The following PGCKA1 variants were observed in gnomAD, a reference collection of about 807,000 sequenced individuals.
PGCKA1 encodes PDCD10 and GCKIII kinases associated 1, also known as PDCD10 and GCKIII kinases-associated protein 1.
At chr4:37,576,008 G>A in the PGCKA1 span, among the ~76,000 whole-genome samples, 2 of 152,062 alleles carry the variant, frequency 1.3e-5, no homozygotes, top group Non-Finnish European at 2.9e-5. Flanking sequence ...TCTCTGTAGT[G>A]TAATTTAAAG....
chr4:37,465,577 T>C, the PGCKA1 span, among the ~76,000 whole-genome samples: 5 of 152,098 alleles, frequency 3.3e-5, no homozygotes, highest in African/African-American at 1.2e-4. Context: ...AAGTAGACAG[T>C]AGCTTCATCC....
At chr4:37,552,355 T>C in the PGCKA1 span, among the ~76,000 whole-genome samples, 1 of 152,206 alleles carries the variant, frequency 6.6e-6, no homozygotes, top group Non-Finnish European at 1.5e-5. Context: ...AATTGTGCAC[T>C]TGGGGAGCTC....
At chr4:37,568,467 C>T in the PGCKA1 span, among the ~76,000 whole-genome samples, 15 of 152,338 alleles carry the variant, frequency 9.8e-5, no homozygotes, top group African/African-American at 3.4e-4. Flanking sequence ...CTGAGAGCCT[C>T]GTCCCTCTCA....
At chr4:37,552,544 A>G in the PGCKA1 span, among the ~76,000 whole-genome samples, 1 of 152,230 alleles carries the variant, frequency 6.6e-6, no homozygotes, top group South Asian at 2.1e-4. Flanking sequence ...ACTATGTGTA[A>G]TAAACATATA....
At chr4:37,518,603 G>A in the PGCKA1 span, among the ~76,000 whole-genome samples, 31,002 of 152,006 alleles carry the variant, frequency 0.2, 3,909 homozygotes, top group African/African-American at 0.35. Context: ...TCTTTTGCCC[G>A]TTTTTGATCA....
chr4:37,507,478 C>A, the PGCKA1 span, among the ~76,000 whole-genome samples: 1 of 152,052 alleles, frequency 6.6e-6, no homozygotes, highest in East Asian at 1.9e-4. Context: ...ATCTGGTTTG[C>A]AAATACTGTC....
chr4:37,488,218 C>A, the PGCKA1 span, among the ~76,000 whole-genome samples: 1 of 152,068 alleles, frequency 6.6e-6, no homozygotes, highest in Non-Finnish European at 1.5e-5. Flanking sequence ...TTTTTAGGTC[C>A]AAAATGTATT....
chr4:37,543,829 G>A, the PGCKA1 span, among the ~76,000 whole-genome samples: 12 of 100,714 alleles, frequency 1.2e-4, no homozygotes, highest in South Asian at 6.0e-4. Context: ...GCAAGACTCC[G>A]TCTCAAAAAA....
chr4:37,577,245 A>C, the PGCKA1 span, among the ~76,000 whole-genome samples: 1 of 151,808 alleles, frequency 6.6e-6, no homozygotes, highest in Admixed American at 6.6e-5. Context: ...CTTTATTACA[A>C]CTTTGATCTT....
the PGCKA1 span, among the ~76,000 whole-genome samples, chr4:37,556,176 T>C: frequency 6.6e-6 from 1 of 152,224 alleles, no homozygotes; most frequent in Non-Finnish European, 1.5e-5. Context: ...CTCATCTCTG[T>C]CACATTCCCC....
chr4:37,560,817 ATT>A, the PGCKA1 span, among the ~76,000 whole-genome samples: 68,870 of 151,474 alleles, frequency 0.45, 16,467 homozygotes, highest in South Asian at 0.54. Flanking sequence ...TTGATCCTAG[ATT>A]TTCCCCCATT....
the PGCKA1 span, among the ~76,000 whole-genome samples, chr4:37,546,070 T>C: frequency 0.98 from 149,992 of 152,300 alleles, 73,896 homozygotes; most frequent in East Asian, 1. Flanking sequence ...GGGATGATGA[T>C]GATAACAGTG....
the PGCKA1 span, among the ~76,000 whole-genome samples, chr4:37,538,509 T>C: frequency 6.6e-6 from 1 of 152,226 alleles, no homozygotes; most frequent in East Asian, 1.9e-4. Context: ...GAGCTTGTGC[T>C]GCAAAGAGAG....
chr4:37,489,020 C>T, the PGCKA1 span, among the ~76,000 whole-genome samples: 11 of 152,274 alleles, frequency 7.2e-5, no homozygotes, highest in East Asian at 2.1e-3. Flanking sequence ...TAAGTGGTTC[C>T]TCAGGCCACC....
At chr4:37,467,809 T>C in the PGCKA1 span, among the ~76,000 whole-genome samples, 1 of 152,354 alleles carries the variant, frequency 6.6e-6, no homozygotes, top group East Asian at 1.9e-4. Flanking sequence ...TCAGAGTCAG[T>C]GTCCAGTATC....
At chr4:37,571,998 G>A in the PGCKA1 span, among the ~76,000 whole-genome samples, 1 of 151,592 alleles carries the variant, frequency 6.6e-6, no homozygotes, top group Non-Finnish European at 1.5e-5. Flanking sequence ...GTTGTGACAG[G>A]CAGAGTAAGA....
the PGCKA1 span, among the ~76,000 whole-genome samples, chr4:37,550,317 C>T: frequency 6.6e-6 from 1 of 151,202 alleles, no homozygotes; most frequent in African/African-American, 2.4e-5. Context: ...TAGTAATCAG[C>T]AAGGAATAGG....
chr4:37,585,883 T>C, the PGCKA1 span, among the ~76,000 whole-genome samples: 1 of 151,956 alleles, frequency 6.6e-6, no homozygotes, highest in East Asian at 1.9e-4. Context: ...GGGTTTTCTA[T>C]CTTTCAATTG....
At chr4:37,516,388 A>G in the PGCKA1 span, among the ~76,000 whole-genome samples, 4 of 152,376 alleles carry the variant, frequency 2.6e-5, no homozygotes, top group East Asian at 7.7e-4. Flanking sequence ...TGTGCAACCT[A>G]TGAGTAAAAT....
Sources: gnomAD v4.1 joint callset for allele counts (sites outside exome capture counted in the v4.1 genomes callset) on GRCh38, gnomAD v4.1.1 for gene constraint, MANE v1.5 for transcripts, NCBI Gene and HGNC (gene_info 2026-07-23, HGNC 2026-07-21) for gene names.